Variants in ELAPOR2 observed in about 807,000 individuals in gnomAD.
ELAPOR2 encodes endosome-lysosome associated apoptosis and autophagy regulator family member 2.
A neutral mutation model predicts 120.7 loss-of-function variants in ELAPOR2; 89 were observed. The ratio of observed to expected loss-of-function variants is 0.74; its 90% CI spans 0.62 to 0.88. ELAPOR2 has a LOEUF of 0.88. Ranked by LOEUF, ELAPOR2 falls within the 40% of genes least tolerant of loss-of-function variation. ELAPOR2 has a pLI of 0.00. For synonymous variants in ELAPOR2, 444 were observed against 444.9 expected (o/e 1.00, Z 0.03); for missense variants, 1,134 against 1,251.6 (o/e 0.91, Z 1.42).
At position 86,942,066 on chromosome 7, in the gene ELAPOR2, A is replaced by C. The variant is rs1228075131; in HGVS notation, c.693T>G (p.Thr231=). The change falls in exon 5 of 22, where the codon ACT becomes ACG. Residue 231 remains threonine, a synonymous_variant. Transcript: ENST00000450689. ...TGTCTGTAAGTTTTACCCACTTGTCAGTGGTGGTGTCCATCTCCTGGCACT... is the reference window on the plus strand; with the variant it reads ...TGTCTGTAAGTTTTACCCACTTGTCCGTGGTGGTGTCCATCTCCTGGCACT... ...NDQCQEMDTT[T]DKWVKLTDNG... is the part of the protein sequence containing the mutation. 3 of 1,549,494 alleles carry C rather than the reference A, an allele frequency of 1.9e-6. No homozygotes were observed. The highest frequency in any genetic ancestry group is 2.0e-5 in the Admixed American group (1 of 50,928).
intron 1 of ELAPOR2, among the ~76,000 whole-genome samples, chr7:87,041,258 G>A (rs1322888908): frequency 6.6e-6 from 1 of 151,994 alleles, no homozygotes; most frequent in South Asian, 2.1e-4. Flanking sequence ...AGGAAATACA[G>A]AGAACGCCAC....
intron 1 of ELAPOR2, among the ~76,000 whole-genome samples, chr7:87,016,766 T>C (rs986378094): frequency 2.0e-5 from 3 of 151,738 alleles, no homozygotes; most frequent in Admixed American, 6.6e-5. Context: ...GGGTTCTGAA[T>C]GTCCATGGAA....
intron 12 of ELAPOR2, among the ~76,000 whole-genome samples, 199 bp from the exon 13 acceptor site, chr7:86,915,059 T>C (rs1454746373): frequency 6.6e-6 from 1 of 152,144 alleles, no homozygotes; most frequent in Non-Finnish European, 1.5e-5. Flanking sequence ...AATCACAATA[T>C]ATCAACCACA....
chr7:86,993,234 C>CAAA (rs1159917841), intron 1 of ELAPOR2, among the ~76,000 whole-genome samples: 6 of 57,122 alleles, frequency 1.1e-4, no homozygotes, highest in African/African-American at 2.3e-4. Flanking sequence ...GACTCCATCT[C>CAAA]AAAAAAAAAA....
chr7:86,981,712 C>G (rs909514821), intron 1 of ELAPOR2, among the ~76,000 whole-genome samples: 3 of 152,206 alleles, frequency 2.0e-5, no homozygotes, highest in Admixed American at 6.5e-5. Context: ...CAAATAGGAA[C>G]AGCTCCAGTC....
intron 19 of ELAPOR2, among the ~76,000 whole-genome samples, chr7:86,896,256 A>C (rs1336464868): frequency 2.6e-5 from 4 of 152,006 alleles, no homozygotes; most frequent in Non-Finnish European, 5.9e-5. Context: ...TTAAAACTTT[A>C]TCTCACTTTT....
At chr7:86,927,015 G>C in intron 8 of ELAPOR2, 99 bp from the exon 9 acceptor site, 1 of 1,067,750 alleles carries the variant, frequency 9.4e-7, no homozygotes, top group Non-Finnish European at 1.3e-6. Flanking sequence ...AATGGTGACA[G>C]AATAGAAGGG....
At chr7:87,040,141 T>C (rs1459428418) in intron 1 of ELAPOR2, among the ~76,000 whole-genome samples, 2 of 152,224 alleles carry the variant, frequency 1.3e-5, no homozygotes, top group Non-Finnish European at 1.5e-5. Flanking sequence ...GTCTCGCTGA[T>C]TGCTAGCACA....
intron 1 of ELAPOR2, among the ~76,000 whole-genome samples, chr7:86,998,931 CAATT>C (rs1469724981): frequency 6.6e-6 from 1 of 150,872 alleles, no homozygotes; most frequent in Non-Finnish European, 1.5e-5. Flanking sequence ...AGGAAAATGG[CAATT>C]AATAGAGTTT....
chr7:86,929,924 C>T (rs1412573353), intron 8 of ELAPOR2, among the ~76,000 whole-genome samples: 1 of 151,850 alleles, frequency 6.6e-6, no homozygotes, highest in Admixed American at 6.6e-5. Context: ...CCCCTTTTAC[C>T]ATGATTATAA....
intron 8 of ELAPOR2, among the ~76,000 whole-genome samples, chr7:86,929,458 C>A (rs1187619978): frequency 1.3e-5 from 2 of 151,934 alleles, no homozygotes; most frequent in African/African-American, 4.8e-5. Flanking sequence ...CTGTCTCAAA[C>A]CTTGATCTTT....
At position 86,907,773 on chromosome 7, in the gene ELAPOR2, T is replaced by C; in HGVS notation, c.2457-2A>G. ...CAAGATGTTGTTGCTGTAGAAGACC[T>C]ATTGTAAGCCAAATAACATTTTTAA... On this transcript the variant is annotated splice_acceptor_variant, in intron 17 of 21. Coordinates refer to ENST00000450689, the MANE Select transcript of ELAPOR2 (RefSeq NM_001142749.3). LOFTEE classifies it high-confidence loss of function. 6.6e-7 allele frequency: 1 copy of C among 1,522,764 alleles called. No individual in the cohort carries two copies. Among genetic ancestry groups the C allele is most frequent in the Non-Finnish European group, 8.8e-7 (1 of 1,138,726 alleles). 94.3% of individuals were successfully genotyped at this position (1,522,764 alleles called of 1,614,324 possible).
intron 1 of ELAPOR2, among the ~76,000 whole-genome samples, chr7:87,051,279 G>A (rs940244817): frequency 6.6e-6 from 1 of 152,054 alleles, no homozygotes; most frequent in Non-Finnish European, 1.5e-5. Context: ...AGGAGAGTTT[G>A]GGGTGCTTGA....
chr7:86,993,851 G>A (rs1397151872), intron 1 of ELAPOR2, among the ~76,000 whole-genome samples: 2 of 152,046 alleles, frequency 1.3e-5, no homozygotes, highest in African/African-American at 4.8e-5. Flanking sequence ...CTCTATTATG[G>A]ACAAGTTTCC....
chr7:87,053,759 G>T (rs532576085), intron 1 of ELAPOR2, among the ~76,000 whole-genome samples: 1 of 152,178 alleles, frequency 6.6e-6, no homozygotes, highest in Admixed American at 6.5e-5. Flanking sequence ...GATGGATCTA[G>T]GTCAGGAGGC....
intron 1 of ELAPOR2, among the ~76,000 whole-genome samples, chr7:87,040,008 C>T (rs565663016): frequency 2.0e-5 from 3 of 152,250 alleles, no homozygotes; most frequent in East Asian, 1.9e-4. Context: ...AAAGGGGTGA[C>T]GGACGGCACC....
chr7:86,899,528 G>A lies in ELAPOR2; in HGVS notation c.2559-1896C>T, dbSNP rs115348371. 6.5e-3 allele frequency among the ~76,000 whole-genome samples: 984 copies of A among 152,118 alleles called. 13 individuals are homozygous for A. The highest frequency in any genetic ancestry group is 0.022 in the African/African-American group (902 of 41,488). ...AGTTTTAACTTCAAATACCTTTCCAGTGATACATGGTTCAAAACTATAATA... is the reference window on the plus strand; with the variant it reads ...AGTTTTAACTTCAAATACCTTTCCAATGATACATGGTTCAAAACTATAATA... On this transcript the variant is annotated intron_variant, in intron 18 of 21. Coordinates refer to ENST00000450689, the MANE Select transcript of ELAPOR2 (RefSeq NM_001142749.3).
chr7:87,039,801 A>C (rs914975723), intron 1 of ELAPOR2, among the ~76,000 whole-genome samples: 13 of 152,208 alleles, frequency 8.5e-5, no homozygotes, highest in Admixed American at 4.6e-4. Flanking sequence ...TCTGGTCTAC[A>C]GCTCCCAGCG....
chr7:86,944,579 T>C (rs1436950484), intron 4 of ELAPOR2, among the ~76,000 whole-genome samples: 1 of 152,096 alleles, frequency 6.6e-6, no homozygotes, highest in Non-Finnish European at 1.5e-5. Flanking sequence ...CTAAAAGTAA[T>C]GTAAACATGA....
Sources: gnomAD v4.1 joint callset for allele counts (sites outside exome capture counted in the v4.1 genomes callset) on GRCh38, gnomAD v4.1.1 for gene constraint, MANE v1.5 for transcripts, NCBI Gene and HGNC (gene_info 2026-07-23, HGNC 2026-07-21) for gene names.